FHOD1: variants seen among roughly 807,000 people sequenced by gnomAD.
The protein encoded by FHOD1 is FH1/FH2 domain-containing protein 1.
A neutral mutation model predicts 111.6 loss-of-function variants in FHOD1; 89 were observed. The ratio of observed to expected loss-of-function variants is 0.80; its 90% CI spans 0.67 to 0.95. The LOEUF is 0.95. Ranked by LOEUF, FHOD1 falls within the 40% of genes least tolerant of loss-of-function variation. The probability of loss-of-function intolerance (pLI) is 0.00; values close to 1 mark genes in which losing one functional copy is unlikely to be tolerated. For synonymous variants in FHOD1, 618 were observed against 639.0 expected (o/e 0.97, Z 0.50); for missense variants, 1,446 against 1,554.2 (o/e 0.93, Z 1.17).
chr16:67,238,195 G>T lies in FHOD1; in HGVS notation c.547+7C>A, dbSNP rs1332609026. 1 of 1,613,936 alleles carries T rather than the reference G, an allele frequency of 6.2e-7. No individual in the cohort carries two copies. Among genetic ancestry groups the T allele is most frequent in the Admixed American group, 1.7e-5 (1 of 60,020 alleles). On this transcript the variant is annotated splice_region_variant and intron_variant, in intron 5 of 21. Transcript: ENST00000258201. The surrounding 1 kb of genome is among the most constrained non-coding windows in gnomAD (Gnocchi z 4.2). ...AGCAGAGGTCATGGGAGAGGGGCGG[G>T]GCTGACCTCTAAGGATGTAGCTCTG...
chr16:67,245,320 A>G (rs547776265), intron 1 of FHOD1, among the ~76,000 whole-genome samples: 4 of 152,282 alleles, frequency 2.6e-5, no homozygotes, highest in Admixed American at 2.6e-4. Flanking sequence ...TCAGCTAAGG[A>G]GCAGGGAACA....
chr16:67,242,216 G>A (rs535962648), intron 1 of FHOD1, among the ~76,000 whole-genome samples: 3 of 152,282 alleles, frequency 2.0e-5, no homozygotes, highest in Non-Finnish European at 4.4e-5. Flanking sequence ...TGATCCACTT[G>A]CCTCTGCCTC....
chr16:67,237,573 C>T lies in FHOD1; in HGVS notation c.755-4G>A. ...AGATTGGCCCAGGGAGGAGCACCTG[C>T]CACACAGAAAGTGGAGCAGTCATGG... On this transcript the variant is annotated splice_region_variant and splice_polypyrimidine_tract_variant and intron_variant, in intron 7 of 21. Coordinates refer to ENST00000258201, the MANE Select transcript of FHOD1 (RefSeq NM_013241.3). This position sits in a 1 kb window ranked among gnomAD's most constrained non-coding sequence, Gnocchi z 5.6. The T allele has an allele frequency of 6.2e-7, 1 of 1,614,042 alleles. No homozygotes were observed.
intron 11 of FHOD1, 125 bp downstream of exon 11, chr16:67,236,432 A>C (rs1218389856): frequency 6.7e-7 from 1 of 1,497,930 alleles, no homozygotes; most frequent in African/African-American, 1.4e-5. Flanking sequence ...AGTTTGGTGA[A>C]GTCTGGAAAG....
chr16:67,231,477 T>C lies in FHOD1; in HGVS notation c.2458A>G (p.Ile820Val). 6.2e-7 allele frequency: 1 copy of C among 1,614,158 alleles called. No individual in the cohort carries two copies. Among genetic ancestry groups the C allele is most frequent in the Non-Finnish European group, 8.5e-7 (1 of 1,180,028 alleles). ...QLVQNATFRC[I>V]LATLLAVGNF... is the part of the protein sequence containing the mutation. ...CCCACCGCTAGGAGGGTAGCCAGGA[T>C]GCAGCGGAAGGTGGCATTCTGTACC... The change falls in exon 16 of 22, where the codon ATC becomes GTC. Residue 820 changes from isoleucine to valine, a missense_variant. Around this residue, in one of 3 missense-constraint regions of FHOD1, gnomAD observed 1,085 missense variants for 1,108.8 expected, o/e 0.98. Coordinates refer to ENST00000258201, the MANE Select transcript of FHOD1 (RefSeq NM_013241.3). The surrounding 1 kb of genome is among the most constrained non-coding windows in gnomAD (Gnocchi z 4.3).
rs2034272829 is a variant in FHOD1, at chr16:67,231,571, T to A, written c.2386-22A>T. ...TTTCCTGGTATGGGAGACCAGGGAC[T>A]CTCAGACTACATGGTCATGATGCTT... On this transcript the variant is annotated intron_variant, in intron 15 of 21. Transcript: ENST00000258201. The surrounding 1 kb of genome is among the most constrained non-coding windows in gnomAD (Gnocchi z 4.3). 1 of 1,614,016 alleles carries A rather than the reference T, an allele frequency of 6.2e-7. No homozygotes were observed. The highest frequency in any genetic ancestry group is 2.2e-5 in the East Asian group (1 of 44,892).
chr16:67,231,857 T>C lies in FHOD1; in HGVS notation c.2203-38A>G. The C allele has an allele frequency of 6.2e-7, 1 of 1,600,598 alleles. No homozygotes were observed. Among genetic ancestry groups the C allele is most frequent in the Non-Finnish European group, 8.5e-7 (1 of 1,172,474 alleles). On this transcript the variant is annotated intron_variant, in intron 14 of 21. Coordinates refer to ENST00000258201, the MANE Select transcript of FHOD1 (RefSeq NM_013241.3). This position sits in a 1 kb window ranked among gnomAD's most constrained non-coding sequence, Gnocchi z 4.3. ...CCAGAGCCTGACATGGCCCCCTCAA[T>C]GCAGGCCTGAGGCCTGAGGCATTGG...
At chr16:67,233,293 C>A (rs993844233) in intron 13 of FHOD1, among the ~76,000 whole-genome samples, 46 of 152,076 alleles carry the variant, frequency 3.0e-4, no homozygotes, top group Admixed American at 3.0e-3. Context: ...GCTAATTTGA[C>A]CAGGCTGGTC....
rs1302070276 is a variant in FHOD1, at chr16:67,236,538, C to T, written c.1319+19G>A. 1 of 1,608,754 alleles carries T rather than the reference C, an allele frequency of 6.2e-7. No individual in the cohort carries two copies. Among genetic ancestry groups the T allele is most frequent in the East Asian group, 2.2e-5 (1 of 44,782 alleles). Reference sequence around the variant, plus strand: ...AATGGGAGAGAGGACTCCAGGGTGGCCTCTGTCTCCCTACTTACTTGTAGA... The same window carrying T: ...AATGGGAGAGAGGACTCCAGGGTGGTCTCTGTCTCCCTACTTACTTGTAGA... On this transcript the variant is annotated intron_variant, in intron 11 of 21. Coordinates refer to ENST00000258201, the MANE Select transcript of FHOD1 (RefSeq NM_013241.3).
At chr16:67,244,629 G>T (rs1011448834) in intron 1 of FHOD1, among the ~76,000 whole-genome samples, 6 of 152,244 alleles carry the variant, frequency 3.9e-5, no homozygotes, top group African/African-American at 1.4e-4. Flanking sequence ...GTGTGTGGGT[G>T]GAGTCCCAGG....
chr16:67,230,471 G>T lies in FHOD1; in HGVS notation c.2894C>A (p.Pro965Gln). The T allele has an allele frequency of 6.2e-7, 1 of 1,614,252 alleles. No homozygotes were observed. The highest frequency in any genetic ancestry group is 8.5e-7 in the Non-Finnish European group (1 of 1,180,044). The change falls in exon 19 of 22, where the codon CCG (proline) becomes CAG (glutamine). Residue 965 changes from proline to glutamine, a missense_variant. By Grantham distance (76) the Pro-to-Gln change is moderately conservative. Transcript: ENST00000258201. ...HAFLLYLGYT[P>Q]QAAREVRIMQ... Reference sequence around the variant, plus strand: ...GATGCGCACTTCACGGGCCGCCTGCGGGGTGTAGCCCAGGTAGAGCAGGAA... The same window carrying T: ...GATGCGCACTTCACGGGCCGCCTGCTGGGTGTAGCCCAGGTAGAGCAGGAA...
In FHOD1 at chr16:67,233,725, C is replaced by A. The variant is rs752119367; in HGVS notation, c.1978G>T (p.Val660Phe). 8 of 1,612,714 alleles carry A rather than the reference C, an allele frequency of 5.0e-6. No homozygotes were observed. The highest frequency in any genetic ancestry group is 5.9e-6 in the Non-Finnish European group (7 of 1,179,074). The change falls in exon 13 of 22, where the codon GTC becomes TTC. Residue 660 changes from valine to phenylalanine, a missense_variant. Transcript: ENST00000258201. ...CATLWASLDP[V>F]SVDTARLEHL... is the part of the protein sequence containing the mutation. Reference sequence around the variant, plus strand: ...TCCAGTCGGGCCGTGTCCACTGAGACAGGGTCCAGTGAAGCCCAGAGGGTG... The same window carrying A: ...TCCAGTCGGGCCGTGTCCACTGAGAAAGGGTCCAGTGAAGCCCAGAGGGTG...
At chr16:67,234,714 A>G (rs2142277263) in intron 11 of FHOD1, 1 of 509,802 alleles carries the variant, frequency 2.0e-6, no homozygotes, top group South Asian at 3.0e-5. Context: ...GAGAGGATCT[A>G]CTTAACATCT....
chr16:67,241,685 G>A (rs1043251648), intron 1 of FHOD1, among the ~76,000 whole-genome samples: 2 of 152,240 alleles, frequency 1.3e-5, no homozygotes, highest in Admixed American at 1.3e-4. Flanking sequence ...ACAAATGAAT[G>A]TGGAATCACA....
chr16:67,231,792 C>T lies in FHOD1; in HGVS notation c.2230G>A (p.Glu744Lys). ...EKLLTMMPTEEERQKIEEAQL... is the reference protein window; with the variant it reads ...EKLLTMMPTEKERQKIEEAQL... ...GCTTCCTCAATCTTCTGCCGCTCTT[C>T]CTCCGTGGGCATCATGGTCAGTAGC... Residue 744 changes from glutamate (E) to lysine (K), a missense_variant, in exon 15 of 22, where the codon GAA (glutamate) becomes AAA (lysine). This residue lies in a region of FHOD1 where 1,085 missense variants were observed against 1,108.8 expected (regional missense o/e 0.98). Coordinates refer to ENST00000258201, the MANE Select transcript of FHOD1 (RefSeq NM_013241.3). The surrounding 1 kb of genome is among the most constrained non-coding windows in gnomAD (Gnocchi z 4.3). The T allele has an allele frequency of 6.2e-7, 1 of 1,614,184 alleles. No individual in the cohort carries two copies. Among genetic ancestry groups the T allele is most frequent in the Non-Finnish European group, 8.5e-7 (1 of 1,180,020 alleles).
At position 67,231,564 on chromosome 16, in the gene FHOD1, C is replaced by G; in HGVS notation, c.2386-15G>C. The G allele has an allele frequency of 1.2e-6, 2 of 1,614,140 alleles. No individual in the cohort carries two copies. The highest frequency in any genetic ancestry group is 1.7e-6 in the Non-Finnish European group (2 of 1,180,016). On this transcript the variant is annotated splice_polypyrimidine_tract_variant and intron_variant, in intron 15 of 21. Coordinates refer to ENST00000258201, the MANE Select transcript of FHOD1 (RefSeq NM_013241.3). This position sits in a 1 kb window ranked among gnomAD's most constrained non-coding sequence, Gnocchi z 4.3. ...TCAGCAATTTCCTGGTATGGGAGAC[C>G]AGGGACTCTCAGACTACATGGTCAT...
In FHOD1 at chr16:67,236,954, G is replaced by A. The variant is rs774850201; in HGVS notation, c.1142+12C>T. ...GATCCACCCTTTCCCATCTACAGAT[G>A]CTCGTACTTACCCAGGTTCCGGGGC... On this transcript the variant is annotated intron_variant, in intron 10 of 21. Coordinates refer to ENST00000258201, the MANE Select transcript of FHOD1 (RefSeq NM_013241.3). The A allele has an allele frequency of 3.2e-6, 5 of 1,572,062 alleles. No homozygotes were observed. The highest frequency in any genetic ancestry group is 4.3e-6 in the Non-Finnish European group (5 of 1,160,818).
In FHOD1 at chr16:67,233,673, T is replaced by C; in HGVS notation, c.2030A>G (p.Glu677Gly). 1.3e-6 allele frequency: 2 copies of C among 1,598,502 alleles called. No individual in the cohort carries two copies. The highest frequency in any genetic ancestry group is 2.3e-5 in the East Asian group (1 of 44,438). Residue 677 changes from glutamate (E) to glycine (G), a missense_variant, in exon 13 of 22, where the codon GAG (glutamate) becomes GGG (glycine). Physicochemically the swap from Glu to Gly is moderately conservative, Grantham distance 98. Coordinates refer to ENST00000258201, the MANE Select transcript of FHOD1 (RefSeq NM_013241.3). ...TGGATTTACCTTGGAGGGCAGCACC[T>C]CTTTGGCACGAGACTCAAAGAGGTG... Reference protein sequence around the residue: ...LEHLFESRAKEVLPSKKAGEG... With the variant: ...LEHLFESRAKGVLPSKKAGEG...
In FHOD1 at chr16:67,234,193, G is replaced by A. The variant is rs931128160; in HGVS notation, c.1510C>T (p.Leu504=). 7 of 1,548,542 alleles carry A rather than the reference G, an allele frequency of 4.5e-6. No homozygotes were observed. The highest frequency in any genetic ancestry group is 1.4e-5 in the African/African-American group (1 of 73,068). Residue 504 remains leucine (L), a synonymous_variant, in exon 13 of 22, where the codon CTG becomes TTG. Coordinates refer to ENST00000258201, the MANE Select transcript of FHOD1 (RefSeq NM_013241.3). Reference sequence around the variant, plus strand: ...GCAAGGCTTCGCTGGGCCCGGAGCAGGACACAGGGGGCAGGGCTCTGGGGT... The same window carrying A: ...GCAAGGCTTCGCTGGGCCCGGAGCAAGACACAGGGGGCAGGGCTCTGGGGT... ...RTPQSPAPCV[L]LRAQRSLAPE... is the part of the protein sequence containing the mutation.
Sources: gnomAD v4.1 joint callset for allele counts (sites outside exome capture counted in the v4.1 genomes callset) on GRCh38, gnomAD v4.1.1 for gene constraint, gnomAD v4.1.1 regional missense constraint, Gnocchi (gnomAD v3.1) non-coding constraint, MANE v1.5 for transcripts, NCBI Gene and HGNC (gene_info 2026-07-23, HGNC 2026-07-21) for gene names.